The following DLGAP2 variants were observed in gnomAD, a reference collection of about 807,000 sequenced individuals.
The protein encoded by DLGAP2 is DLG associated protein 2.
In DLGAP2, 26 loss-of-function variants were observed where a neutral mutation model predicts 100.3. The observed-to-expected ratio is 0.26, with a 90% CI of 0.19 to 0.36. The LOEUF is 0.36. Ranked by LOEUF, DLGAP2 falls within the 10% of genes least tolerant of loss-of-function variation. The pLI is 1.00. For missense variants in DLGAP2, 1,858 were observed against 1,453.2 expected (o/e 1.28, Z -4.53); for synonymous variants, 886 against 630.1 (o/e 1.41, Z -6.08).
intron 8 of DLGAP2, among the ~76,000 whole-genome samples, chr8:1,652,919 T>C (rs1427238706): frequency 6.6e-6 from 1 of 152,236 alleles, no homozygotes; most frequent in Non-Finnish European, 1.5e-5. Flanking sequence ...TGACTCATTG[T>C]GCAATTATCT....
At chr8:1,613,975 G>T (rs1309176694) in intron 6 of DLGAP2, among the ~76,000 whole-genome samples, 8 of 152,172 alleles carry the variant, frequency 5.3e-5, no homozygotes, top group Admixed American at 3.9e-4. Context: ...TGAACAGTAA[G>T]GCCAGGCTTT....
chr8:896,431 G>C (rs903714046), intron 1 of DLGAP2, among the ~76,000 whole-genome samples: 2 of 152,024 alleles, frequency 1.3e-5, no homozygotes, highest in African/African-American at 4.8e-5. Context: ...GGGCTGGGTG[G>C]TGGGGAGATG....
rs1331177493 is a variant in DLGAP2, at chr8:1,548,792, G to A, written c.339G>A (p.Gly113=). ...AGGACTGCGAGCACCTGCACCACGG[G>A]CCCGACGCGCGGCCGCCCTACCTGC... ...PPEDCEHLHH[G]PDARPPYLLS... Residue 113 remains glycine, a synonymous_variant, in exon 5 of 15, where the codon GGG becomes GGA. Coordinates refer to ENST00000637795, the MANE Select transcript of DLGAP2 (RefSeq NM_001346810.2). The A allele has an allele frequency of 3.2e-5, 51 of 1,584,152 alleles. No individual in the cohort carries two copies. Among genetic ancestry groups the A allele is most frequent in the Non-Finnish European group, 4.1e-5 (48 of 1,168,578 alleles).
intron 6 of DLGAP2, among the ~76,000 whole-genome samples, chr8:1,567,631 A>G (rs2956918): frequency 0.59 from 89,012 of 152,004 alleles, 26,854 homozygotes; most frequent in African/African-American, 0.74. Context: ...TGGCAGAGAC[A>G]GTGTCTCATT....
At chr8:1,307,033 A>G (rs1015556092) in intron 3 of DLGAP2, among the ~76,000 whole-genome samples, 3 of 152,158 alleles carry the variant, frequency 2.0e-5, no homozygotes, top group African/African-American at 7.2e-5. Context: ...TAGATACATA[A>G]TTTAGACTTC....
At chr8:1,037,717 C>G (rs187675406) in intron 2 of DLGAP2, among the ~76,000 whole-genome samples, 1 of 152,336 alleles carries the variant, frequency 6.6e-6, no homozygotes, top group African/African-American at 2.4e-5. Context: ...GAGGAACATG[C>G]AAAACCCAGC....
At chr8:1,595,354 C>T (rs1412242680) in intron 6 of DLGAP2, among the ~76,000 whole-genome samples, 1 of 152,104 alleles carries the variant, frequency 6.6e-6, no homozygotes, top group Non-Finnish European at 1.5e-5. Context: ...CAAAAATCCT[C>T]CCAAATACTG....
At chr8:1,052,779 A>G (rs982449873) in intron 2 of DLGAP2, among the ~76,000 whole-genome samples, 2 of 152,196 alleles carry the variant, frequency 1.3e-5, no homozygotes, top group African/African-American at 2.4e-5. Context: ...TGTTTTTAAC[A>G]TATAAGAGAG....
chr8:1,279,004 T>A (rs866619783), intron 3 of DLGAP2, among the ~76,000 whole-genome samples: 1 of 152,180 alleles, frequency 6.6e-6, no homozygotes, highest in Non-Finnish European at 1.5e-5. Context: ...ATAGAAAATA[T>A]AAAGAACATA....
chr8:1,472,992 T>G (rs565003708), intron 3 of DLGAP2, among the ~76,000 whole-genome samples: 166 of 152,268 alleles, frequency 1.1e-3, no homozygotes, highest in Middle Eastern at 3.4e-3. Flanking sequence ...GTGCAGTGGC[T>G]TGATCTCAGC....
At chr8:1,613,509 A>G (rs968677056) in intron 6 of DLGAP2, among the ~76,000 whole-genome samples, 1 of 151,348 alleles carries the variant, frequency 6.6e-6, no homozygotes, top group Non-Finnish European at 1.5e-5. Context: ...AACCTGCACA[A>G]TGTGCACATG....
chr8:1,370,070 G>T (rs1365906418), intron 3 of DLGAP2, among the ~76,000 whole-genome samples: 1 of 152,176 alleles, frequency 6.6e-6, no homozygotes. Context: ...ATTTCTCGGG[G>T]TGACTAACAC....
chr8:986,875 GTC>G (rs1800503210), intron 2 of DLGAP2, among the ~76,000 whole-genome samples: 1 of 152,058 alleles, frequency 6.6e-6, no homozygotes, highest in African/African-American at 2.4e-5. Flanking sequence ...GGCCAGGCTG[GTC>G]TCAAACTCCT....
intron 2 of DLGAP2, among the ~76,000 whole-genome samples, chr8:947,610 G>A (rs1240008997): frequency 2.0e-5 from 3 of 152,134 alleles, no homozygotes; most frequent in Admixed American, 6.5e-5. Context: ...CCCAGGCCCC[G>A]CTGGCTTCAG....
chr8:1,582,377 C>T (rs566519640), intron 6 of DLGAP2, among the ~76,000 whole-genome samples: 5 of 151,332 alleles, frequency 3.3e-5, no homozygotes, highest in African/African-American at 9.7e-5. Flanking sequence ...TAAAGAATTA[C>T]AGCACACTTT....
Position 1,019,923 on chromosome 8 carries a change from C to T in DLGAP2, c.73+111957C>T, listed in dbSNP as rs145792996. On this transcript the variant is annotated intron_variant, in intron 2 of 14. Coordinates refer to ENST00000637795, the MANE Select transcript of DLGAP2 (RefSeq NM_001346810.2). The stretch of plus-strand genomic sequence containing the variant: ...GGCCTGTGTGTGTGTGAATGCAGGG[C>T]GTGGGGAGGGACAAAAGTTGTTTCC... Among the ~76,000 whole-genome samples, 435 of 152,114 alleles carry T rather than the reference C, an allele frequency of 2.9e-3. 4 individuals carry two copies. The highest frequency in any genetic ancestry group is 9.9e-3 in the African/African-American group (411 of 41,482).
At chr8:1,619,615 C>T (rs549881398) in intron 6 of DLGAP2, 122 of 152,322 alleles carry the variant, frequency 8.0e-4, no homozygotes, top group African/African-American at 2.6e-3. Flanking sequence ...ACAGGTCTTG[C>T]AAGGACAAGT....
At chr8:1,001,080 C>T (rs1222442639) in intron 2 of DLGAP2, among the ~76,000 whole-genome samples, 4 of 152,208 alleles carry the variant, frequency 2.6e-5, no homozygotes, top group African/African-American at 9.7e-5. Context: ...GTGGCAATGA[C>T]AGAGGGAATC....
chr8:1,684,405 C>T (rs575696382), intron 12 of DLGAP2, among the ~76,000 whole-genome samples: 1 of 151,934 alleles, frequency 6.6e-6, no homozygotes, highest in Non-Finnish European at 1.5e-5. Context: ...AATTTCCAGT[C>T]CTAATTTTAG....
Sources: allele counts gnomAD v4.1 joint callset (sites outside exome capture counted in the v4.1 genomes callset), GRCh38; gene constraint gnomAD v4.1.1; transcripts MANE v1.5; gene names NCBI Gene and HGNC (gene_info 2026-07-23, HGNC 2026-07-21).